Variants in TANC2 observed in about 807,000 individuals in gnomAD.
The protein encoded by TANC2 is protein TANC2.
Under a neutral mutation model 210.5 loss-of-function variants are expected in TANC2, and 26 were observed. The observed-to-expected ratio is 0.12, with a 90% confidence interval of 0.09 to 0.17. The LOEUF (loss-of-function observed/expected upper bound fraction) is 0.17. Ranked by LOEUF, TANC2 falls within the 10% of genes least tolerant of loss-of-function variation. The pLI, the probability that TANC2 is intolerant of heterozygous loss-of-function variation, is 1.00. For missense variants in TANC2, 2,129 were observed against 2,608.9 expected (o/e 0.82, Z 4.01); for synonymous variants, 931 against 967.1 (o/e 0.96, Z 0.69).
intron 1 of TANC2, among the ~76,000 whole-genome samples, chr17:62,988,529 G>T (rs1485108375): frequency 6.6e-6 from 1 of 152,070 alleles, no homozygotes; most frequent in Non-Finnish European, 1.5e-5. Context: ...CTGATTGTTT[G>T]TTGGGATTAG....
At chr17:62,987,918 T>C (rs2032655126) in intron 1 of TANC2, among the ~76,000 whole-genome samples, 1 of 152,146 alleles carries the variant, frequency 6.6e-6, no homozygotes, top group South Asian at 2.1e-4. Flanking sequence ...TGCCGTAGAC[T>C]TAATAGAAAT....
At chr17:62,970,240 C>G (rs1349079055) in intron 1 of TANC2, among the ~76,000 whole-genome samples, 1 of 152,162 alleles carries the variant, frequency 6.6e-6, no homozygotes, top group Non-Finnish European at 1.5e-5. Context: ...TCAATATAAT[C>G]TACTGCTTAT....
chr17:63,342,788 A>G (rs956781710), intron 12 of TANC2, among the ~76,000 whole-genome samples: 3 of 152,134 alleles, frequency 2.0e-5, no homozygotes, highest in Non-Finnish European at 4.4e-5. Context: ...AAAAAAAAGA[A>G]AAGAAGGCTA....
At chr17:63,258,758 G>C (rs1475012092) in intron 8 of TANC2, among the ~76,000 whole-genome samples, 1 of 152,080 alleles carries the variant, frequency 6.6e-6, no homozygotes, top group African/African-American at 2.4e-5. Flanking sequence ...GTCCAAGGCA[G>C]GTCCAGAAAT....
intron 5 of TANC2, 113 bp downstream of exon 5, chr17:63,151,493 C>A: frequency 3.1e-6 from 1 of 327,682 alleles, no homozygotes; most frequent in Non-Finnish European, 4.4e-6. Flanking sequence ...ACCTCTTTTG[C>A]AACTGATTGC....
At chr17:63,377,575 A>G (rs1223338933) in intron 14 of TANC2, among the ~76,000 whole-genome samples, 3 of 152,180 alleles carry the variant, frequency 2.0e-5, no homozygotes, top group Non-Finnish European at 4.4e-5. Flanking sequence ...CCATGTCACC[A>G]TCAGCATTTT....
chr17:63,183,988 A>T (rs913460252), intron 5 of TANC2, among the ~76,000 whole-genome samples: 10 of 151,702 alleles, frequency 6.6e-5, no homozygotes, highest in African/African-American at 9.7e-5. Flanking sequence ...CTGCACTCCA[A>T]CCTGGGCGAC....
At chr17:63,245,289 C>T (rs1233503748) in intron 8 of TANC2, among the ~76,000 whole-genome samples, 6 of 152,056 alleles carry the variant, frequency 3.9e-5, no homozygotes, top group African/African-American at 7.3e-5. Flanking sequence ...TGAAATTCAT[C>T]CATAGTTTTT....
rs150567828 is a variant in TANC2 at position 63,098,455 on chromosome 17, CACACACACACACACACACACACACAT to C, written c.140-715_140-690del. Among the ~76,000 whole-genome samples the C allele has an allele frequency of 1.8e-3, 124 of 69,960 alleles. 4 individuals are homozygous for C. Among genetic ancestry groups the C allele is most frequent in the African/African-American group, 6.7e-3 (50 of 7,420 alleles). 45.9% of individuals were successfully genotyped at this position (69,960 alleles called of 152,430 possible). The stretch of plus-strand genomic sequence containing the variant: ...CTACACACACACACACACACACACA[CACACACACACACACACACACACACAT>C]ACACTCTCTCTCTCTCTCTCTCTCT... On this transcript the variant is annotated intron_variant, in intron 3 of 27. Coordinates refer to ENST00000689528, the Ensembl canonical transcript of TANC2.
Position 63,063,674 on chromosome 17 carries a change from T to TTGTGTGTGTGTGTGTGTGTGTGTGTG in TANC2, c.68-10244_68-10243insGTGTGTGTGTGTGTGTGTGTGTGTGT, listed in dbSNP as rs371281397. The stretch of plus-strand genomic sequence containing the variant: ...CAATATCACACTTTGTTACCCAGTA[T>TTGTGTGTGTGTGTGTGTGTGTGTGTG]TGTGTGTGTGTGTGTGTGTGTGTGT... On this transcript the variant is annotated intron_variant, in intron 2 of 27. Coordinates refer to ENST00000689528, the Ensembl canonical transcript of TANC2. Among the ~76,000 whole-genome samples the TTGTGTGTGTGTGTGTGTGTGTGTGTG allele has an allele frequency of 1.4e-3, 191 of 137,492 alleles. 1 individual carries two copies. Among genetic ancestry groups the TTGTGTGTGTGTGTGTGTGTGTGTGTG allele is most frequent in the African/African-American group, 4.3e-3 (159 of 36,910 alleles). 90.2% of individuals were successfully genotyped at this position (137,492 alleles called of 152,430 possible). A position where few individuals can be genotyped will look rare whatever the true frequency, so the allele number is the denominator to read the frequency against.
chr17:62,988,854 G>A (rs1190479980), intron 1 of TANC2, among the ~76,000 whole-genome samples: 2 of 152,130 alleles, frequency 1.3e-5, no homozygotes, highest in Non-Finnish European at 2.9e-5. Context: ...GCATGCCCAG[G>A]AACTGAGCAT....
chr17:62,976,990 G>C (rs972284697), intron 1 of TANC2, among the ~76,000 whole-genome samples: 19 of 152,346 alleles, frequency 1.2e-4, no homozygotes, highest in African/African-American at 4.6e-4. Context: ...AGACACAGCA[G>C]TAAGGTGGAC....
intron 2 of TANC2, among the ~76,000 whole-genome samples, chr17:63,047,761 G>A (rs1461830848): frequency 1.3e-5 from 2 of 151,990 alleles, no homozygotes; most frequent in Admixed American, 6.6e-5. Context: ...GGTTCATGAC[G>A]GAGACCCCTA....
chr17:63,054,546 ATT>A (rs372855287), intron 2 of TANC2, among the ~76,000 whole-genome samples: 18 of 136,928 alleles, frequency 1.3e-4, no homozygotes, highest in Admixed American at 2.9e-4. Context: ...TAATTTTTGT[ATT>A]TTTTTTTTTT....
chr17:63,151,034 T>G (rs76647759), intron 4 of TANC2: 2 of 61,128 alleles, frequency 3.3e-5, no homozygotes, highest in Admixed American at 1.2e-4. Flanking sequence ...ATGCAGTTAG[T>G]TTTTTTTTTT....
intron 12 of TANC2, among the ~76,000 whole-genome samples, chr17:63,344,687 A>G (rs2046344092): frequency 6.6e-6 from 1 of 152,232 alleles, no homozygotes; most frequent in Non-Finnish European, 1.5e-5. Context: ...ATATTTCTAT[A>G]CTAACAACAA....
At chr17:63,178,677 G>A (rs1268000003) in intron 5 of TANC2, among the ~76,000 whole-genome samples, 1 of 152,196 alleles carries the variant, frequency 6.6e-6, no homozygotes, top group East Asian at 1.9e-4. Context: ...GATTAAATAT[G>A]GCACAGATTT....
intron 14 of TANC2, among the ~76,000 whole-genome samples, chr17:63,376,760 G>A (rs1009113663): frequency 1.3e-5 from 2 of 151,926 alleles, no homozygotes; most frequent in Admixed American, 6.6e-5. Flanking sequence ...TCATCTGAAG[G>A]TGTGAGTCCA....
chr17:63,366,637 G>A (rs2047118531), intron 14 of TANC2, among the ~76,000 whole-genome samples: 1 of 152,200 alleles, frequency 6.6e-6, no homozygotes, highest in South Asian at 2.1e-4. Flanking sequence ...CAAAGTGGGA[G>A]AAAGCAGCAA....
Sources: allele counts gnomAD v4.1 joint callset (sites outside exome capture counted in the v4.1 genomes callset), GRCh38; gene constraint gnomAD v4.1.1; transcripts MANE v1.5; gene names NCBI Gene and HGNC (gene_info 2026-07-23, HGNC 2026-07-21).